The following PCDHA7 variants were observed in gnomAD, a reference collection of about 807,000 sequenced individuals.
PCDHA7 encodes protocadherin alpha 7, also known as protocadherin alpha-7.
Under a neutral mutation model 57.2 loss-of-function variants are expected in PCDHA7, and 37 were observed. The ratio of observed to expected loss-of-function variants is 0.65; its 90% CI spans 0.50 to 0.85. The LOEUF is 0.85. Ranked by LOEUF, PCDHA7 falls within the 40% of genes least tolerant of loss-of-function variation. The probability of loss-of-function intolerance (pLI) is 0.00; values close to 1 mark genes in which losing one functional copy is unlikely to be tolerated. For missense variants in PCDHA7, 1,188 were observed against 1,241.8 expected (o/e 0.96, Z 0.65); for synonymous variants, 553 against 558.8 (o/e 0.99, Z 0.15).
rs1563353899 is a variant in PCDHA7, at chr5:140,966,713, G to A, written c.2356-12236G>A. The A allele has an allele frequency of 4.3e-6, 6 of 1,392,826 alleles. No individual in the cohort carries two copies. The African/African-American group carries it at 9.1e-5, about 21-fold the overall frequency. 86.3% of individuals were successfully genotyped at this position (1,392,826 alleles called of 1,614,324 possible). ...CGGGGCCCGGGCGTGGGGCACGGCTGGGGAAGCTGCCGCCTCCGGCCCTGC... is the reference window on the plus strand; with the variant it reads ...CGGGGCCCGGGCGTGGGGCACGGCTAGGGAAGCTGCCGCCTCCGGCCCTGC... On this transcript the variant is annotated intron_variant, in intron 1 of 3. Transcript: ENST00000525929.
intron 1 of PCDHA7, chr5:140,871,033 C>T (rs201299652): frequency 1.2e-6 from 2 of 1,613,234 alleles, no homozygotes; most frequent in East Asian, 2.2e-5. Context: ...CTCGCCGCGC[C>T]ACCGACTTCT....
intron 1 of PCDHA7, chr5:140,968,939 A>G: frequency 6.2e-7 from 1 of 1,614,164 alleles, no homozygotes; most frequent in South Asian, 1.1e-5. Flanking sequence ...GACAATCATC[A>G]TTTTGAGCAT....
At chr5:140,927,204 G>C (rs1554204171) in intron 1 of PCDHA7, 1 of 1,614,112 alleles carries the variant, frequency 6.2e-7, no homozygotes, top group Middle Eastern at 1.6e-4. Flanking sequence ...TCGAGGACCC[G>C]CTGGAGCTGC....
At chr5:140,853,548 C>T in intron 1 of PCDHA7, 1 of 978,800 alleles carries the variant, frequency 1.0e-6, no homozygotes. Flanking sequence ...GTTGTAATTA[C>T]TATATAGGAA....
intron 3 of PCDHA7, among the ~76,000 whole-genome samples, chr5:140,991,358 A>G (rs1417256360): frequency 6.6e-6 from 1 of 152,234 alleles, no homozygotes; most frequent in African/African-American, 2.4e-5. Context: ...AAGACTATTT[A>G]CTGTCTGAGT....
At chr5:140,993,521 G>A (rs1554253818) in intron 3 of PCDHA7, among the ~76,000 whole-genome samples, 1 of 151,130 alleles carries the variant, frequency 6.6e-6, no homozygotes, top group African/African-American at 2.4e-5. Context: ...GGGAGAGAGA[G>A]ACAGAGAGAG....
At chr5:140,919,940 A>C (rs1162813087) in intron 1 of PCDHA7, among the ~76,000 whole-genome samples, 3 of 152,064 alleles carry the variant, frequency 2.0e-5, no homozygotes, top group African/African-American at 7.2e-5. Context: ...GGCTAATTCC[A>C]GTGAAAAGTT....
chr5:140,862,550 G>A, intron 1 of PCDHA7: 2 of 458,460 alleles, frequency 4.4e-6, no homozygotes, highest in Admixed American at 2.4e-5. Flanking sequence ...GGAAGTGGCC[G>A]AACAGTGAAC....
intron 1 of PCDHA7, among the ~76,000 whole-genome samples, chr5:140,960,717 TATTTTAGTCCATG>T (rs1244851083): frequency 3.3e-4 from 10 of 30,264 alleles, no homozygotes; most frequent in African/African-American, 2.5e-3. Flanking sequence ...ATACTCATCT[TATTTTAGTCCATG>T]ATTTTAGTCC....
chr5:140,835,826 C>G lies in PCDHA7; in HGVS notation c.1443C>G (p.Asp481Glu). 4 of 1,612,456 alleles carry G rather than the reference C, an allele frequency of 2.5e-6. No homozygotes were observed. The highest frequency in any genetic ancestry group is 3.4e-6 in the Non-Finnish European group (4 of 1,179,666). The part of the protein sequence containing the change: ...GCHIFTVSAG[D>E]ADAQKNALVS... ...ACATCTTCACTGTGTCGGCGGGGGA[C>G]GCGGACGCGCAGAAGAACGCGCTGG... The change falls in exon 1 of 4, where the codon GAC becomes GAG. Residue 481 changes from aspartate (D) to glutamate (E), a missense_variant. Asp to Glu is a conservative substitution (Grantham distance 45). Coordinates refer to ENST00000525929, the MANE Select transcript of PCDHA7 (RefSeq NM_018910.3).
chr5:141,001,749 T>C (rs1554258292), intron 3 of PCDHA7, among the ~76,000 whole-genome samples: 1 of 152,090 alleles, frequency 6.6e-6, no homozygotes, highest in African/African-American at 2.4e-5. Flanking sequence ...GCTGTTTCAG[T>C]GGTTGATGGC....
In PCDHA7 at chr5:140,969,100, C is replaced by T. The variant is rs781998624; in HGVS notation, c.2356-9849C>T. ...ATGGCCTCAAAGTGCAGCCTCACTT[C>T]ATTGAAGTTCGAGGGAATGGCTCCC... On this transcript the variant is annotated intron_variant, in intron 1 of 3. Coordinates refer to ENST00000525929, the MANE Select transcript of PCDHA7 (RefSeq NM_018910.3). The T allele has an allele frequency of 8.7e-6, 14 of 1,614,054 alleles. No individual in the cohort carries two copies. The South Asian group carries it at 8.8e-5, about 10-fold the overall frequency.
intron 1 of PCDHA7, chr5:140,967,572 A>G: frequency 6.2e-7 from 1 of 1,613,544 alleles, no homozygotes; most frequent in Non-Finnish European, 8.5e-7. Flanking sequence ...CTACGGGAGG[A>G]CTCACCCCCA....
intron 1 of PCDHA7, chr5:140,841,450 C>G: frequency 6.2e-7 from 1 of 1,612,936 alleles, no homozygotes; most frequent in Non-Finnish European, 8.5e-7. Context: ...AACACGGCAC[C>G]TTCGTGGGCC....
At chr5:140,929,298 A>T in intron 1 of PCDHA7, 1 of 1,591,722 alleles carries the variant, frequency 6.3e-7, no homozygotes, top group South Asian at 1.1e-5. Context: ...GGAATAGGAA[A>T]GGGGATCACG....
chr5:140,942,255 A>G (rs2093254394), intron 1 of PCDHA7, among the ~76,000 whole-genome samples: 1 of 152,194 alleles, frequency 6.6e-6, no homozygotes, highest in Non-Finnish European at 1.5e-5. Context: ...TCATTAAAAG[A>G]TATCTAAAGC....
intron 1 of PCDHA7, chr5:140,883,595 G>C: frequency 6.2e-7 from 1 of 1,614,036 alleles, no homozygotes; most frequent in Non-Finnish European, 8.5e-7. Flanking sequence ...CAGCGTGTCG[G>C]TGGGGGTGGC....
At chr5:140,842,023 T>C (rs1777651230) in intron 1 of PCDHA7, 1 of 1,613,718 alleles carries the variant, frequency 6.2e-7, no homozygotes, top group Non-Finnish European at 8.5e-7. Context: ...CAGTGCTGGA[T>C]GTGAATGATA....
rs781982439 is a variant in PCDHA7, at chr5:140,967,345, C to G, written c.2356-11604C>G. 3 of 1,607,752 alleles carry G rather than the reference C, an allele frequency of 1.9e-6. No homozygotes were observed. The South Asian group carries it at 3.3e-5, about 18-fold the overall frequency. On this transcript the variant is annotated intron_variant, in intron 1 of 3. Coordinates refer to ENST00000525929, the MANE Select transcript of PCDHA7 (RefSeq NM_018910.3). ...ACGAGCTCAGCCCCAGCGAGCACTT[C>G]GAGCTGGACCTTAAGCCCCTGCAGG...
Sources: gnomAD v4.1 joint callset for allele counts (sites outside exome capture counted in the v4.1 genomes callset) on GRCh38, gnomAD v4.1.1 for gene constraint, MANE v1.5 for transcripts, NCBI Gene and HGNC (gene_info 2026-07-23, HGNC 2026-07-21) for gene names.